Variants in KIF26B observed in about 807,000 individuals in gnomAD.
KIF26B encodes the protein kinesin family member 26B, also known as kinesin-like protein KIF26B.
A neutral mutation model predicts 151.2 loss-of-function variants in KIF26B; 63 were observed. The ratio of observed to expected loss-of-function variants is 0.42; its 90% CI spans 0.34 to 0.51. KIF26B has a LOEUF of 0.51. Among genes scored for constraint, KIF26B ranks in the 20% least tolerant of loss-of-function variants. The probability of loss-of-function intolerance (pLI) is 0.07; values close to 1 mark genes in which losing one functional copy is unlikely to be tolerated. For missense variants in KIF26B, 2,813 were observed against 2,913.6 expected (o/e 0.97, Z 0.79); for synonymous variants, 1,357 against 1,262.1 (o/e 1.08, Z -1.59).
At chr1:245,319,612 G>T (rs1357989184) in intron 2 of KIF26B, among the ~76,000 whole-genome samples, 1 of 151,838 alleles carries the variant, frequency 6.6e-6, no homozygotes, top group Non-Finnish European at 1.5e-5. Context: ...TCTCGTGTGT[G>T]TGTGCATCTC....
At chr1:245,553,256 G>T (rs555288903) in intron 5 of KIF26B, among the ~76,000 whole-genome samples, 2 of 152,204 alleles carry the variant, frequency 1.3e-5, no homozygotes, top group African/African-American at 4.8e-5. Context: ...GGTCTGTGGT[G>T]GAGCTGGCCT....
chr1:245,343,505 A>G (rs1672379008), intron 2 of KIF26B, among the ~76,000 whole-genome samples: 1 of 152,214 alleles, frequency 6.6e-6, no homozygotes, highest in Non-Finnish European at 1.5e-5. Flanking sequence ...GAAAATGAAT[A>G]TAGAATTTTC....
intron 2 of KIF26B, among the ~76,000 whole-genome samples, chr1:245,347,965 A>G (rs563900669): frequency 6.6e-5 from 10 of 152,274 alleles, no homozygotes; most frequent in African/African-American, 2.2e-4. Context: ...ATGGGTGAGG[A>G]AACTGAGAAA....
At chr1:245,425,970 A>G (rs534853607) in intron 4 of KIF26B, among the ~76,000 whole-genome samples, 4 of 152,292 alleles carry the variant, frequency 2.6e-5, no homozygotes, top group African/African-American at 7.2e-5. Flanking sequence ...AATTCTAATC[A>G]GATTTCCAAG....
Position 245,686,556 on chromosome 1 carries a change from G to C in KIF26B, c.3573G>C (p.Thr1191=), listed in dbSNP as rs749172509. Reference sequence around the variant, plus strand: ...ACGGTGAGGACGAGCTGGTGTTCACGCTGGTGGAGGAGCTGACCATCAGCG... The same window carrying C: ...ACGGTGAGGACGAGCTGGTGTTCACCCTGGTGGAGGAGCTGACCATCAGCG... The part of the protein sequence containing the change: ...ELNGEDELVF[T]LVEELTISGV... The change falls in exon 12 of 15, where the codon ACG becomes ACC. Residue 1191 remains threonine (T), a synonymous_variant. Transcript: ENST00000407071. The surrounding 1 kb of genome is among the most constrained non-coding windows in gnomAD (Gnocchi z 5.6). 9 of 1,613,034 alleles carry C rather than the reference G, an allele frequency of 5.6e-6. No individual in the cohort carries two copies. In the South Asian group the frequency reaches 7.7e-5, roughly 14 times the overall value.
chr1:245,445,621 T>C (rs914798600), intron 4 of KIF26B, among the ~76,000 whole-genome samples: 5 of 152,222 alleles, frequency 3.3e-5, no homozygotes, highest in African/African-American at 1.2e-4. Context: ...AATTTTTCCA[T>C]AATAATAGGT....
chr1:245,628,459 A>G (rs2043747338), intron 9 of KIF26B, among the ~76,000 whole-genome samples: 1 of 152,250 alleles, frequency 6.6e-6, no homozygotes, highest in African/African-American at 2.4e-5. Flanking sequence ...CCCTGGTTCA[A>G]CATGCAAATC....
chr1:245,523,517 C>T (rs1230187637), intron 4 of KIF26B, among the ~76,000 whole-genome samples: 3 of 152,174 alleles, frequency 2.0e-5, no homozygotes, highest in East Asian at 3.8e-4. Flanking sequence ...TTATTTTGTA[C>T]AGTTCTAGAG....
At chr1:245,366,163 A>G (rs1168369470) in intron 2 of KIF26B, among the ~76,000 whole-genome samples, 1 of 152,164 alleles carries the variant, frequency 6.6e-6, no homozygotes, top group Non-Finnish European at 1.5e-5. Flanking sequence ...TCATGCCTGG[A>G]CAAATGTTTG....
intron 10 of KIF26B, 88 bp downstream of exon 10, chr1:245,646,368 C>T: frequency 7.1e-7 from 1 of 1,405,936 alleles, no homozygotes. Flanking sequence ...AGGTGTGCCA[C>T]AGAGGGACAG....
At chr1:245,465,851 C>T (rs1659777272) in intron 4 of KIF26B, among the ~76,000 whole-genome samples, 1 of 152,090 alleles carries the variant, frequency 6.6e-6, no homozygotes, top group Non-Finnish European at 1.5e-5. Context: ...GGGACAGGAG[C>T]CAGGAGGACA....
intron 2 of KIF26B, among the ~76,000 whole-genome samples, chr1:245,279,489 T>C (rs1670999852): frequency 6.6e-6 from 1 of 151,876 alleles, no homozygotes; most frequent in African/African-American, 2.4e-5. Flanking sequence ...GTAAATTTTT[T>C]GTAGAGATGC....
chr1:245,452,682 C>G (rs143825238), intron 4 of KIF26B, among the ~76,000 whole-genome samples: 276 of 152,034 alleles, frequency 1.8e-3, no homozygotes, highest in Non-Finnish European at 3.0e-3. Flanking sequence ...ATTTGCATTT[C>G]CCTAGTGACT....
At chr1:245,551,015 C>T (rs962308984) in intron 5 of KIF26B, among the ~76,000 whole-genome samples, 2 of 152,086 alleles carry the variant, frequency 1.3e-5, no homozygotes, top group African/African-American at 4.8e-5. Flanking sequence ...ATTTTTGTCC[C>T]GTCATCATGC....
chr1:245,355,878 G>T (rs1432359321), intron 2 of KIF26B, among the ~76,000 whole-genome samples: 1 of 152,168 alleles, frequency 6.6e-6, no homozygotes, highest in African/African-American at 2.4e-5. Context: ...GCTGGGGTGA[G>T]GCCCTTGAAT....
At chr1:245,608,951 C>T (rs11808032) in intron 7 of KIF26B, among the ~76,000 whole-genome samples, 2,761 of 152,018 alleles carry the variant, frequency 0.018, 39 homozygotes, top group Admixed American at 0.029. Context: ...GCAGGGTCTC[C>T]GTATGTTGCC....
intron 10 of KIF26B, among the ~76,000 whole-genome samples, chr1:245,674,728 C>T (rs539303436): frequency 2.0e-5 from 3 of 152,254 alleles, no homozygotes; most frequent in East Asian, 1.9e-4. Flanking sequence ...ATAAGTTGTA[C>T]ATATTGGCTG....
At chr1:245,610,572 T>A (rs1331110938) in intron 8 of KIF26B, among the ~76,000 whole-genome samples, 1 of 152,246 alleles carries the variant, frequency 6.6e-6, no homozygotes, top group Admixed American at 6.5e-5. Context: ...GTGTCTGTGA[T>A]GCAATCAGTA....
chr1:245,363,105 T>C (rs1309934059), intron 2 of KIF26B, among the ~76,000 whole-genome samples: 1 of 152,202 alleles, frequency 6.6e-6, no homozygotes, highest in Non-Finnish European at 1.5e-5. Context: ...ATGGCCCTAG[T>C]CCATCTCCTA....
Sources: gnomAD v4.1 joint callset for allele counts (sites outside exome capture counted in the v4.1 genomes callset) on GRCh38, gnomAD v4.1.1 for gene constraint, Gnocchi (gnomAD v3.1) non-coding constraint, MANE v1.5 for transcripts, NCBI Gene and HGNC (gene_info 2026-07-23, HGNC 2026-07-21) for gene names.